Variants in TRIM5 observed in about 807,000 individuals in gnomAD.
TRIM5 encodes the protein tripartite motif containing 5.
Under a neutral mutation model 35.6 loss-of-function variants are expected in TRIM5, and 31 were observed. That is an observed-to-expected ratio of 0.87 (90% CI 0.65 to 1.18). The LOEUF is 1.18. Among genes scored for constraint, TRIM5 ranks in the 50% most tolerant of loss-of-function variants. TRIM5 has a pLI of 0.00. For missense variants in TRIM5, 609 were observed against 591.6 expected, an observed-to-expected ratio of 1.03 and a Z score of -0.31; for synonymous variants, 243 against 215.6, an observed-to-expected ratio of 1.13 and a Z score of -1.11.
chr11:5,652,836 ATTTCTT>A, the TRIM5 span, among the ~76,000 whole-genome samples: 2 of 147,000 alleles, frequency 1.4e-5, no homozygotes, highest in Admixed American at 6.8e-5. Flanking sequence ...TTAATCTCTG[ATTTCTT>A]TTTCTTTTTC....
At position 5,680,145 on chromosome 11, in the gene TRIM5, C is replaced by T. The variant is rs773544458; in HGVS notation, c.33G>A (p.Glu11=). 4 of 1,612,746 alleles carry T rather than the reference C, an allele frequency of 2.5e-6. No homozygotes were observed. Among genetic ancestry groups the T allele is most frequent in the Non-Finnish European group, 3.4e-6 (4 of 1,179,238 alleles). ...CCAGGCAGATGGGGCAGGTCACCTC[C>T]TCCTTTACATTAACCAGGATTCCAG... is the stretch of plus-strand genomic sequence containing the variant. The part of the protein sequence containing the change: MASGILVNVK[E]EVTCPICLEL... The change falls in exon 2 of 8, where the codon GAG becomes GAA. Residue 11 remains glutamate, a synonymous_variant. Transcript: ENST00000380034.
At chr11:5,651,423 G>C in the TRIM5 span, among the ~76,000 whole-genome samples, 1 of 152,098 alleles carries the variant, frequency 6.6e-6, no homozygotes, top group African/African-American at 2.4e-5. Flanking sequence ...AGTAGGCTCC[G>C]ATGTCTGTTG....
chr11:5,591,371 G>A, the TRIM5 span, among the ~76,000 whole-genome samples: 7 of 152,162 alleles, frequency 4.6e-5, no homozygotes, highest in Non-Finnish European at 5.9e-5. Flanking sequence ...ATGGTTAGCC[G>A]GGCGTGGTGG....
intron 4 of TRIM5, among the ~76,000 whole-genome samples, chr11:5,675,955 G>C (rs1182776168): frequency 9.2e-6 from 1 of 109,018 alleles, no homozygotes; most frequent in Non-Finnish European, 2.2e-5. Context: ...TGCGGTGTTT[G>C]ATTTTTTGTT....
At chr11:5,608,847 A>AT in the TRIM5 span, among the ~76,000 whole-genome samples, 4,919 of 101,748 alleles carry the variant, frequency 0.048, 374 homozygotes, top group East Asian at 0.18. Flanking sequence ...TTGCCCATAA[A>AT]TTTTTTTTTT....
At chr11:5,639,561 T>TC in the TRIM5 span, among the ~76,000 whole-genome samples, 1 of 151,416 alleles carries the variant, frequency 6.6e-6, no homozygotes, top group Non-Finnish European at 1.5e-5. Flanking sequence ...GTACCTGTAG[T>TC]CCCAGGTACT....
chr11:5,637,524 G>A, the TRIM5 span, among the ~76,000 whole-genome samples: 996 of 152,282 alleles, frequency 6.5e-3, 5 homozygotes, highest in Middle Eastern at 0.014. Flanking sequence ...TTTTTGAAAG[G>A]ATGGAATGGT....
the TRIM5 span, chr11:5,608,496 C>T: frequency 3.9e-6 from 6 of 1,553,500 alleles, no homozygotes; most frequent in South Asian, 3.6e-5. Context: ...GGGGAAGATT[C>T]AAGAGAGTAG....
intron 4 of TRIM5, among the ~76,000 whole-genome samples, chr11:5,671,425 T>C (rs1443955120): frequency 6.6e-6 from 1 of 151,548 alleles, no homozygotes; most frequent in Non-Finnish European, 1.5e-5. Flanking sequence ...GTTAAAAAAC[T>C]AAGGAGAACT....
At chr11:5,657,567 TATTTA>T in the TRIM5 span, among the ~76,000 whole-genome samples, 3 of 100,010 alleles carry the variant, frequency 3.0e-5, no homozygotes, top group South Asian at 2.7e-4. Flanking sequence ...TTATATATAT[TATTTA>T]TATATTATAT....
At chr11:5,604,797 G>C in the TRIM5 span, 10 of 632,012 alleles carry the variant, frequency 1.6e-5, no homozygotes, top group African/African-American at 1.3e-4. Flanking sequence ...GAGGAGAGGA[G>C]GTAAATAGCA....
intron 1 of TRIM5, among the ~76,000 whole-genome samples, chr11:5,680,451 T>C (rs957419893): frequency 1.3e-5 from 2 of 152,236 alleles, no homozygotes; most frequent in Non-Finnish European, 2.9e-5. Flanking sequence ...TGACAAATTC[T>C]GTTCTTATCT....
At chr11:5,652,096 G>A in the TRIM5 span, among the ~76,000 whole-genome samples, 1 of 152,030 alleles carries the variant, frequency 6.6e-6, no homozygotes. Context: ...TTTGTAGGTT[G>A]TGTATTTTCT....
the TRIM5 span, among the ~76,000 whole-genome samples, chr11:5,631,016 C>T: frequency 6.6e-6 from 1 of 152,144 alleles, no homozygotes; most frequent in East Asian, 1.9e-4. Context: ...ATGTGGTCTC[C>T]CTTTATGTAT....
the TRIM5 span, chr11:5,605,508 C>T: frequency 1.4e-5 from 22 of 1,613,962 alleles, no homozygotes; most frequent in Non-Finnish European, 1.7e-5. Flanking sequence ...CCAGTCGCTG[C>T]GAGAGCTCAT....
chr11:5,610,123 T>TC, the TRIM5 span: 2 of 1,613,546 alleles, frequency 1.2e-6, no homozygotes, highest in Non-Finnish European at 1.7e-6. Context: ...GTGTGGGAAC[T>TC]CAGAAGTCCT....
chr11:5,670,406 C>T (rs1252746726), intron 4 of TRIM5, among the ~76,000 whole-genome samples: 1 of 151,522 alleles, frequency 6.6e-6, no homozygotes, highest in African/African-American at 2.4e-5. Flanking sequence ...AGGATGGTCT[C>T]GATCCGCCCG....
the TRIM5 span, among the ~76,000 whole-genome samples, chr11:5,616,802 C>T: frequency 5.7e-5 from 8 of 140,972 alleles, no homozygotes; most frequent in South Asian, 2.4e-4. Flanking sequence ...TGCAGTGGCA[C>T]GATCTCGGCT....
the TRIM5 span, among the ~76,000 whole-genome samples, chr11:5,629,321 T>G: frequency 6.6e-6 from 1 of 152,118 alleles, no homozygotes; most frequent in Admixed American, 6.6e-5. Context: ...GGGCCTGTCT[T>G]TATCCAGTAT....
Sources: allele counts gnomAD v4.1 joint callset (sites outside exome capture counted in the v4.1 genomes callset), GRCh38; gene constraint gnomAD v4.1.1; transcripts MANE v1.5; gene names NCBI Gene and HGNC (gene_info 2026-07-23, HGNC 2026-07-21).